Variants in INTS15 observed in about 807,000 individuals in gnomAD.
INTS15 encodes uncharacterized protein C7orf26.
the INTS15 span, among the ~76,000 whole-genome samples, chr7:6,596,376 C>CTTTTTT: frequency 1.9e-4 from 21 of 107,914 alleles, no homozygotes; most frequent in Non-Finnish European, 3.6e-4. Flanking sequence ...ATCTGTCACC[C>CTTTTTT]TTTTTTTTTT....
chr7:6,603,211 C>G, the INTS15 span, among the ~76,000 whole-genome samples: 2 of 151,930 alleles, frequency 1.3e-5, no homozygotes, highest in Non-Finnish European at 2.9e-5. Context: ...GAGCATGGCA[C>G]TGCACTCCAG....
At chr7:6,603,028 T>A in the INTS15 span, among the ~76,000 whole-genome samples, 1 of 152,082 alleles carries the variant, frequency 6.6e-6, no homozygotes, top group Non-Finnish European at 1.5e-5. Flanking sequence ...GGCAGGTGGA[T>A]CACCTGAGGT....
chr7:6,598,058 C>T, the INTS15 span, among the ~76,000 whole-genome samples: 1 of 152,202 alleles, frequency 6.6e-6, no homozygotes. Flanking sequence ...TGCACACGCA[C>T]ACATTTTCTA....
At chr7:6,601,966 T>G in the INTS15 span, 1 of 793,348 alleles carries the variant, frequency 1.3e-6, no homozygotes, top group Non-Finnish European at 2.1e-6. Context: ...TAGAACTCAG[T>G]TTCTAAATGA....
At chr7:6,597,721 G>A in the INTS15 span, among the ~76,000 whole-genome samples, 2 of 50,698 alleles carry the variant, frequency 3.9e-5, no homozygotes, top group Middle Eastern at 8.9e-3. Flanking sequence ...CAGCACAGCA[G>A]ATCTGAAACT....
the INTS15 span, chr7:6,590,206 T>A: frequency 7.7e-7 from 1 of 1,292,146 alleles, no homozygotes; most frequent in East Asian, 3.1e-5. Flanking sequence ...GCCTCTTTGT[T>A]TCCACGGGTA....
the INTS15 span, chr7:6,608,459 CGAG>C: frequency 7.9e-7 from 1 of 1,272,162 alleles, no homozygotes; most frequent in Non-Finnish European, 1.0e-6. Flanking sequence ...GCCTGTGTGG[CGAG>C]GAGTGTGACG....
At chr7:6,590,701 A>G in the INTS15 span, among the ~76,000 whole-genome samples, 2 of 152,182 alleles carry the variant, frequency 1.3e-5, no homozygotes, top group African/African-American at 4.8e-5. Flanking sequence ...TCTTGGTGTT[A>G]AAGGGACAAA....
At chr7:6,596,937 C>T in the INTS15 span, among the ~76,000 whole-genome samples, 1 of 151,872 alleles carries the variant, frequency 6.6e-6, no homozygotes, top group South Asian at 2.1e-4. Flanking sequence ...CGCTACCACA[C>T]CCGGCTAATT....
the INTS15 span, chr7:6,591,497 C>T: frequency 1.6e-6 from 1 of 622,636 alleles, no homozygotes; most frequent in South Asian, 1.8e-5. Flanking sequence ...AACTCTTGAC[C>T]TCGTGATTCG....
the INTS15 span, among the ~76,000 whole-genome samples, chr7:6,605,727 C>G: frequency 1.3e-5 from 2 of 152,140 alleles, no homozygotes; most frequent in Non-Finnish European, 2.9e-5. Context: ...GAGACAGAGT[C>G]TCGCTCTGTC....
chr7:6,600,638 C>A, the INTS15 span, among the ~76,000 whole-genome samples: 3 of 152,102 alleles, frequency 2.0e-5, no homozygotes, highest in Non-Finnish European at 2.9e-5. Flanking sequence ...AACCCTTTTT[C>A]TTTTTTATTT....
the INTS15 span, among the ~76,000 whole-genome samples, chr7:6,597,542 G>A: frequency 2.0e-5 from 3 of 152,182 alleles, no homozygotes; most frequent in South Asian, 6.2e-4. Context: ...TGATCTCCCT[G>A]CCTCAGCCTC....
chr7:6,608,055 G>T, the INTS15 span: 4 of 1,598,798 alleles, frequency 2.5e-6, no homozygotes, highest in East Asian at 8.9e-5. Flanking sequence ...CCCCCGCTGG[G>T]CTACGGGGCT....
chr7:6,604,720 C>G, the INTS15 span, among the ~76,000 whole-genome samples: 1 of 152,196 alleles, frequency 6.6e-6, no homozygotes, highest in Non-Finnish European at 1.5e-5. Flanking sequence ...CAGGGTTCAG[C>G]CGGATGCTGG....
chr7:6,596,531 A>C, the INTS15 span, among the ~76,000 whole-genome samples: 1 of 150,460 alleles, frequency 6.6e-6, no homozygotes, highest in Admixed American at 6.6e-5. Context: ...GGTGTGCGCC[A>C]CCACACCCGG....
the INTS15 span, among the ~76,000 whole-genome samples, chr7:6,605,669 C>G: frequency 6.6e-6 from 1 of 152,154 alleles, no homozygotes; most frequent in African/African-American, 2.4e-5. Flanking sequence ...TGGGGAAGGA[C>G]AGGGGGTCGC....
At chr7:6,603,424 G>A in the INTS15 span, among the ~76,000 whole-genome samples, 2 of 151,786 alleles carry the variant, frequency 1.3e-5, no homozygotes, top group African/African-American at 2.4e-5. Context: ...GCATGCACCT[G>A]TAATCACAGC....
the INTS15 span, chr7:6,607,502 C>T: frequency 1.5e-6 from 2 of 1,302,646 alleles, no homozygotes; most frequent in Non-Finnish European, 2.0e-6. This position sits in a 1 kb window ranked among gnomAD's most constrained non-coding sequence, Gnocchi z 6.0. Flanking sequence ...GGGCCGTCCC[C>T]GAGGGGGCCG....
Sources: gnomAD v4.1 joint callset for allele counts (sites outside exome capture counted in the v4.1 genomes callset) on GRCh38, gnomAD v4.1.1 for gene constraint, Gnocchi (gnomAD v3.1) non-coding constraint, MANE v1.5 for transcripts, NCBI Gene and HGNC (gene_info 2026-07-23, HGNC 2026-07-21) for gene names.